The following RYR2 variants were observed in gnomAD, a reference collection of about 807,000 sequenced individuals.
The protein encoded by RYR2 is cardiac muscle ryanodine receptor-calcium release channel.
In RYR2, 227 loss-of-function variants were observed where a neutral mutation model predicts 601.1. The ratio of observed to expected loss-of-function variants is 0.38; its 90% CI spans 0.34 to 0.42. RYR2 has a LOEUF of 0.42. Ranked by LOEUF, RYR2 falls within the 10% of genes least tolerant of loss-of-function variation. The pLI, the probability that RYR2 is intolerant of heterozygous loss-of-function variation, is 1.00. For synonymous variants in RYR2, 2,223 were observed against 2,175.1 expected (o/e 1.02, Z -0.61); for missense variants, 4,646 against 6,156.5 (o/e 0.75, Z 8.21).
At chr1:237,452,077 T>TGTGTGTGTGTGTGTG (rs1553457209) in intron 14 of RYR2, among the ~76,000 whole-genome samples, 18 of 74,544 alleles carry the variant, frequency 2.4e-4, no homozygotes, top group Non-Finnish European at 1.6e-4. Context: ...ATATAAAATT[T>TGTGTGTGTGTGTGTG]TGTGTGTGTG....
chr1:237,629,247 G>A (rs1178273235), intron 41 of RYR2, among the ~76,000 whole-genome samples: 4 of 152,068 alleles, frequency 2.6e-5, no homozygotes, highest in South Asian at 2.1e-4. Flanking sequence ...AGTAGTGTTC[G>A]CTACTCAGGT....
intron 92 of RYR2, among the ~76,000 whole-genome samples, chr1:237,790,999 T>C (rs1218394437): frequency 6.6e-6 from 1 of 151,870 alleles, no homozygotes; most frequent in African/African-American, 2.4e-5. Context: ...TCAGGGCCTC[T>C]GCCCTTGTTG....
intron 36 of RYR2, among the ~76,000 whole-genome samples, 153 bp downstream of exon 36, chr1:237,611,141 T>C (rs1237178879): frequency 6.6e-6 from 1 of 152,218 alleles, no homozygotes; most frequent in East Asian, 1.9e-4. Context: ...GGAGTCATTA[T>C]TCTGCGTATT....
chr1:237,354,173 A>G (rs557966791), intron 3 of RYR2, among the ~76,000 whole-genome samples: 1 of 152,254 alleles, frequency 6.6e-6, no homozygotes, highest in Admixed American at 6.5e-5. Flanking sequence ...GTATTTGGAT[A>G]TTCTGTTTGT....
At chr1:237,418,407 G>C (rs1705227627) in intron 11 of RYR2, among the ~76,000 whole-genome samples, 1 of 152,138 alleles carries the variant, frequency 6.6e-6, no homozygotes, top group South Asian at 2.1e-4. Context: ...GATGAGAATA[G>C]TTTAGAGGCC....
At chr1:237,830,668 T>TGGCGTCTACTGGAG in intron 103 of RYR2, 38 bp downstream of exon 103, 10 of 1,006,446 alleles carry the variant, frequency 9.9e-6, no homozygotes, top group Non-Finnish European at 1.6e-5. Context: ...ACCTCTCCAG[T>TGGCGTCTACTGGAG]AGACGCCACT....
Position 237,625,784 on chromosome 1 carries a change from A to G in RYR2, c.6146A>G (p.Glu2049Gly). 1 of 1,613,726 alleles carries G rather than the reference A, an allele frequency of 6.2e-7. No individual in the cohort carries two copies. Among genetic ancestry groups the G allele is most frequent in the Non-Finnish European group, 8.5e-7 (1 of 1,179,780 alleles). ...AAGAAGCAAGCAGAAAAACCAGTTG[A>G]GAGTGACTCCAAAAAGTCCTGTAAG... Reference protein sequence around the residue: ...LKKKQAEKPVESDSKKSSTLQ... With the variant: ...LKKKQAEKPVGSDSKKSSTLQ... Residue 2049 changes from glutamate (E) to glycine (G), a missense_variant, in exon 40 of 105, where the codon GAG (glutamate) becomes GGG (glycine). Transcript: ENST00000366574.
chr1:237,596,757 T>C (rs1675936494), intron 34 of RYR2, among the ~76,000 whole-genome samples: 1 of 152,116 alleles, frequency 6.6e-6, no homozygotes, highest in Non-Finnish European at 1.5e-5. Context: ...CTAAGAGTAA[T>C]GAGAGAATAG....
chr1:237,674,011 T>C, intron 58 of RYR2, 85 bp from the exon 59 acceptor site: 1 of 1,056,320 alleles, frequency 9.5e-7, no homozygotes. Context: ...GAAAGTTTTA[T>C]AGTGTGGTCC....
intron 86 of RYR2, 147 bp from the exon 87 acceptor site, chr1:237,773,373 A>G (rs1296473523): frequency 1.8e-6 from 1 of 545,262 alleles, no homozygotes. Flanking sequence ...AAATTCATTG[A>G]AGAATGATAT....
At chr1:237,456,464 C>A in intron 15 of RYR2, 136 bp from the exon 16 acceptor site, 1 of 874,200 alleles carries the variant, frequency 1.1e-6, no homozygotes, top group Non-Finnish European at 1.6e-6. Context: ...TTTGAATGAT[C>A]ACAGTTTTCT....
At chr1:237,186,948 G>C in intron 1 of RYR2, among the ~76,000 whole-genome samples, 1 of 152,312 alleles carries the variant, frequency 6.6e-6, no homozygotes, top group Non-Finnish European at 1.5e-5. Flanking sequence ...TTCCACTGCG[G>C]CTTTTTGAGG....
intron 10 of RYR2, among the ~76,000 whole-genome samples, chr1:237,405,182 A>G (rs1365133056): frequency 6.6e-6 from 1 of 152,222 alleles, no homozygotes; most frequent in African/African-American, 2.4e-5. Flanking sequence ...TCACCTTGGG[A>G]ATGAGGACAT....
intron 1 of RYR2, among the ~76,000 whole-genome samples, chr1:237,049,382 G>T (rs1263391548): frequency 6.6e-6 from 1 of 152,124 alleles, no homozygotes; most frequent in Non-Finnish European, 1.5e-5. Flanking sequence ...AAGAACATTG[G>T]GATGAGGACC....
rs1044001448 is a variant in RYR2, at chr1:237,584,661, T to TG, written c.3599-5132_3599-5131insG. Among the ~76,000 whole-genome samples, 23 of 139,184 alleles carry TG rather than the reference T, an allele frequency of 1.7e-4. No homozygotes were observed. In the East Asian group the frequency reaches 1.7e-3, roughly 10 times the overall value. The allele number at this position is 139,184 out of a possible 152,430, so 91.3% of individuals were successfully genotyped here. On this transcript the variant is annotated intron_variant, in intron 29 of 104. Transcript: ENST00000366574. The stretch of plus-strand genomic sequence containing the variant: ...CAGCTCACCACCTGTTTTTTTTTTT[T>TG]TTTTTTTTTTTTGAGACAGGGTCTC...
chr1:237,404,732 C>T (rs760997366), intron 10 of RYR2, among the ~76,000 whole-genome samples: 5 of 152,114 alleles, frequency 3.3e-5, no homozygotes, highest in Admixed American at 6.5e-5. Context: ...GTTGACTTTA[C>T]GTTAATTGAA....
intron 12 of RYR2, among the ~76,000 whole-genome samples, chr1:237,437,519 T>A (rs1445629289): frequency 6.6e-6 from 1 of 152,158 alleles, no homozygotes; most frequent in Non-Finnish European, 1.5e-5. Flanking sequence ...CAGGCTGTTC[T>A]GGTCCTGAGG....
At chr1:237,692,331 T>C (rs1687015256) in intron 63 of RYR2, among the ~76,000 whole-genome samples, 1 of 152,218 alleles carries the variant, frequency 6.6e-6, no homozygotes, top group African/African-American at 2.4e-5. Context: ...TCGCTTGTAC[T>C]ATTGCAGGAG....
At chr1:237,067,403 T>G (rs2148294807) in intron 1 of RYR2, among the ~76,000 whole-genome samples, 1 of 152,338 alleles carries the variant, frequency 6.6e-6, no homozygotes, top group East Asian at 1.9e-4. Context: ...AAGATTACCA[T>G]TCCTCCATTG....
Sources: allele counts gnomAD v4.1 joint callset (sites outside exome capture counted in the v4.1 genomes callset), GRCh38; gene constraint gnomAD v4.1.1; transcripts MANE v1.5; gene names NCBI Gene and HGNC (gene_info 2026-07-23, HGNC 2026-07-21).